Variants in MYO9B observed in about 807,000 individuals in gnomAD.
The protein encoded by MYO9B is unconventional myosin-IXb.
Under a neutral mutation model 229.5 loss-of-function variants are expected in MYO9B, and 71 were observed. The observed-to-expected ratio is 0.31, with a 90% CI of 0.26 to 0.38. The LOEUF (loss-of-function observed/expected upper bound fraction) is 0.38, where lower values mean the gene tolerates loss of function less well. Ranked by LOEUF, MYO9B falls within the 10% of genes least tolerant of loss-of-function variation. The probability of loss-of-function intolerance (pLI) is 1.00; values close to 1 mark genes in which losing one functional copy is unlikely to be tolerated. For missense variants in MYO9B, 2,255 were observed against 2,920.5 expected (o/e 0.77, Z 5.25); for synonymous variants, 1,185 against 1,235.8 (o/e 0.96, Z 0.86).
intron 10 of MYO9B, 77 bp downstream of exon 10, chr19:17,163,199 T>C: frequency 2.7e-6 from 4 of 1,458,884 alleles, no homozygotes; most frequent in Non-Finnish European, 3.7e-6. Flanking sequence ...TCTTAACCAT[T>C]TGTAAATATT....
chr19:17,163,067 A>G lies in MYO9B; in HGVS notation c.1616A>G (p.Tyr539Cys). 6.3e-7 allele frequency: 1 copy of G among 1,589,794 alleles called. No individual in the cohort carries two copies. Among genetic ancestry groups the G allele is most frequent in the Non-Finnish European group, 8.6e-7 (1 of 1,167,666 alleles). Residue 539 changes from tyrosine (Y) to cysteine (C), a missense_variant, in exon 10 of 40, where the codon TAC becomes TGC. Around this residue, in one of 7 missense-constraint regions of MYO9B, gnomAD observed 220 missense variants for 404.5 expected, o/e 0.54. Transcript: ENST00000682292. ...RNSFEQFCIN[Y>C]ANEQLQYYFN... ...AGCTTTGAGCAGTTCTGCATCAACTACGCCAATGAGCAGCTGCAGTATTAC... is the reference window on the plus strand; with the variant it reads ...AGCTTTGAGCAGTTCTGCATCAACTGCGCCAATGAGCAGCTGCAGTATTAC...
At chr19:17,126,300 TG>T (rs1262822937) in intron 2 of MYO9B, among the ~76,000 whole-genome samples, 1 of 152,190 alleles carries the variant, frequency 6.6e-6, no homozygotes, top group Non-Finnish European at 1.5e-5. Flanking sequence ...TTCCCAGGCC[TG>T]CTCCTCCACG....
Position 17,205,426 on chromosome 19 carries a change from G to A in MYO9B, c.5064+90G>A, listed in dbSNP as rs915973295. On this transcript the variant is annotated intron_variant, in intron 31 of 39. Coordinates refer to ENST00000682292, the MANE Select transcript of MYO9B (RefSeq NM_004145.4). ...GTGGTGCTTGATGTGAGGGCCAAGCGAAGCATTGAGCAGCCAGTAGGGGGC... is the reference window on the plus strand; with the variant it reads ...GTGGTGCTTGATGTGAGGGCCAAGCAAAGCATTGAGCAGCCAGTAGGGGGC... 21 of 1,283,446 alleles carry A rather than the reference G, an allele frequency of 1.6e-5. No homozygotes were observed. In the Admixed American group the frequency reaches 1.9e-4, roughly 12 times the overall value. 79.5% of individuals were successfully genotyped at this position (1,283,446 alleles called of 1,614,324 possible). A position where few individuals can be genotyped will look rare whatever the true frequency, so the allele number is the denominator to read the frequency against.
intron 39 of MYO9B, 44 bp from the exon 40 acceptor site, chr19:17,211,851 C>T (rs1301459707): frequency 3.1e-6 from 5 of 1,603,678 alleles, no homozygotes; most frequent in Non-Finnish European, 4.3e-6. Flanking sequence ...CCTCCGGCTG[C>T]CGGCCCTGAA....
At position 17,198,325 on chromosome 19, in the gene MYO9B, G is replaced by A. The variant is rs1464521965; in HGVS notation, c.4238+17G>A. 1.2e-6 allele frequency: 2 copies of A among 1,612,548 alleles called. No homozygotes were observed. The highest frequency in any genetic ancestry group is 2.2e-5 in the East Asian group (1 of 44,840). On this transcript the variant is annotated intron_variant, in intron 24 of 39. Transcript: ENST00000682292. ...CGACTCTAAGTAAGTATTGGGCTTG[G>A]GGGAAACTCAGGCCACCAGAGGATG...
At chr19:17,166,006 C>T (rs2072655165) in intron 10 of MYO9B, among the ~76,000 whole-genome samples, 1 of 152,110 alleles carries the variant, frequency 6.6e-6, no homozygotes. Context: ...TGGCCCATTA[C>T]AGAGAAAGTT....
intron 1 of MYO9B, among the ~76,000 whole-genome samples, chr19:17,076,130 G>C (rs117886237): frequency 0.024 from 3,651 of 151,144 alleles, 66 homozygotes; most frequent in East Asian, 0.052. Flanking sequence ...GCTTTGAGCA[G>C]CTTCTCTGAA....
intron 14 of MYO9B, among the ~76,000 whole-genome samples, chr19:17,176,237 C>T (rs990399228): frequency 7.9e-5 from 12 of 152,110 alleles, no homozygotes; most frequent in African/African-American, 1.7e-4. Context: ...GGGGTTTCAC[C>T]GTGTTGGCCA....
chr19:17,076,274 G>A (rs1600003494), intron 1 of MYO9B, among the ~76,000 whole-genome samples: 1 of 152,066 alleles, frequency 6.6e-6, no homozygotes, highest in Non-Finnish European at 1.5e-5. Flanking sequence ...GCGGTTGAGG[G>A]GAAGGGGTGC....
chr19:17,162,504 G>C (rs1481794244), intron 9 of MYO9B, 38 bp downstream of exon 9: 11 of 1,508,720 alleles, frequency 7.3e-6, no homozygotes, highest in Non-Finnish European at 9.0e-6. Context: ...CCCGGCCAGG[G>C]GAGGCCACAT....
At chr19:17,197,445 T>TACATAGATAGATAGAC (rs1555704423) in intron 22 of MYO9B, among the ~76,000 whole-genome samples, 4 of 151,174 alleles carry the variant, frequency 2.6e-5, no homozygotes, top group African/African-American at 9.8e-5. Context: ...GATAGATAGA[T>TACATAGATAGATAGAC]AGATACATAG....
rs889468704 is a variant in MYO9B at position 17,150,961 on chromosome 19, C to G, written c.936-1683C>G. Among the ~76,000 whole-genome samples the G allele has an allele frequency of 7.5e-5, 10 of 134,058 alleles. 2 individuals carry two copies. Among genetic ancestry groups the G allele is most frequent in the Non-Finnish European group, 1.6e-4 (9 of 57,996 alleles). 87.9% of individuals were successfully genotyped at this position (134,058 alleles called of 152,430 possible). A position where few individuals can be genotyped will look rare whatever the true frequency, so the allele number is the denominator to read the frequency against. Reference sequence around the variant, plus strand: ...CTCTGAGAACTTAATTTGGAGGAAACACTTTAACTGCTTGGCACAGAGAAA... The same window carrying G: ...CTCTGAGAACTTAATTTGGAGGAAAGACTTTAACTGCTTGGCACAGAGAAA... On this transcript the variant is annotated intron_variant, in intron 3 of 39. Coordinates refer to ENST00000682292, the MANE Select transcript of MYO9B (RefSeq NM_004145.4).
intron 3 of MYO9B, among the ~76,000 whole-genome samples, chr19:17,150,602 T>C (rs1255786215): frequency 1.4e-5 from 2 of 141,978 alleles, no homozygotes; most frequent in Admixed American, 7.1e-5. Context: ...GACCCTGTGA[T>C]AGACCGGCCC....
chr19:17,185,014 T>TGGC, intron 17 of MYO9B, 27 bp downstream of exon 17: 1 of 1,613,444 alleles, frequency 6.2e-7, no homozygotes, highest in Non-Finnish European at 8.5e-7. Context: ...AGGCAGAAGG[T>TGGC]GGCGGTCAGC....
rs866393979 is a variant in MYO9B at position 17,135,370 on chromosome 19, C to T, written c.841-10027C>T. Reference sequence around the variant, plus strand: ...GGGGGGACCATGGCATCCGCCTTCCCGGTGCGTGTGCCAGATTATATCGCA... The same window carrying T: ...GGGGGGACCATGGCATCCGCCTTCCTGGTGCGTGTGCCAGATTATATCGCA... On this transcript the variant is annotated intron_variant, in intron 2 of 39. Coordinates refer to ENST00000682292, the MANE Select transcript of MYO9B (RefSeq NM_004145.4). Among the ~76,000 whole-genome samples, 9 of 152,174 alleles carry T rather than the reference C, an allele frequency of 5.9e-5. No homozygotes were observed. The East Asian group carries it at 9.7e-4, about 16-fold the overall frequency.
chr19:17,133,584 G>A (rs1429424454), intron 2 of MYO9B, among the ~76,000 whole-genome samples: 1 of 151,960 alleles, frequency 6.6e-6, no homozygotes, highest in Non-Finnish European at 1.5e-5. Context: ...AGCCTCCTGA[G>A]TATCTAGGAC....
Position 17,212,036 on chromosome 19 carries a change from CGGCCAACATCAAGCTCCCACCA to C in MYO9B, c.6205_6226del (p.Asn2069CysfsTer52). The C allele has an allele frequency of 6.2e-7, 1 of 1,609,404 alleles. No individual in the cohort carries two copies. The highest frequency in any genetic ancestry group is 8.5e-7 in the Non-Finnish European group (1 of 1,178,570). On this transcript the variant is annotated frameshift_variant, in exon 40 of 40. Coordinates refer to ENST00000682292, the MANE Select transcript of MYO9B (RefSeq NM_004145.4). LOFTEE classifies it low-confidence loss of function (END_TRUNC). This position sits in a 1 kb window ranked among gnomAD's most constrained non-coding sequence, Gnocchi z 5.4. Reference sequence around the variant, plus strand: ...CCCCGGCGGACCCCCATCATGCCCACGGCCAACATCAAGCTCCCACCAGGCCTGCCCTCCCACCTGCCTCGCT... The same window carrying C: ...CCCCGGCGGACCCCCATCATGCCCACGGCCTGCCCTCCCACCTGCCTCGCT...
intron 3 of MYO9B, among the ~76,000 whole-genome samples, chr19:17,145,954 G>A (rs999732645): frequency 1.4e-5 from 2 of 141,038 alleles, no homozygotes; most frequent in Non-Finnish European, 3.0e-5. Flanking sequence ...ATGGATGGAT[G>A]ATGGATGGAT....
chr19:17,140,168 G>A (rs2072320529), intron 2 of MYO9B, among the ~76,000 whole-genome samples: 1 of 152,200 alleles, frequency 6.6e-6, no homozygotes, highest in African/African-American at 2.4e-5. Flanking sequence ...CGTCATATAT[G>A]TGGTCCATCG....
Sources: allele counts gnomAD v4.1 joint callset (sites outside exome capture counted in the v4.1 genomes callset), GRCh38; gene constraint gnomAD v4.1.1; regional missense constraint gnomAD v4.1.1; non-coding constraint Gnocchi (gnomAD v3.1); transcripts MANE v1.5; gene names NCBI Gene and HGNC (gene_info 2026-07-23, HGNC 2026-07-21).